ATXN1L: variants seen among roughly 807,000 people sequenced by gnomAD.
The protein encoded by ATXN1L is ataxin-1-like.
Under a neutral mutation model 43.4 loss-of-function variants are expected in ATXN1L, and 8 were observed. The observed-to-expected ratio is 0.18, with a 90% CI of 0.11 to 0.33. The LOEUF is 0.33. Among genes scored for constraint, ATXN1L ranks in the 10% least tolerant of loss-of-function variants. The probability of loss-of-function intolerance (pLI) is 1.00; values close to 1 mark genes in which losing one functional copy is unlikely to be tolerated. For missense variants in ATXN1L, 856 were observed against 885.4 expected (o/e 0.97, Z 0.42); for synonymous variants, 379 against 360.6 (o/e 1.05, Z -0.58).
At chr16:71,846,880 T>G (rs750926303) in intron 1 of ATXN1L, among the ~76,000 whole-genome samples, 2 of 152,206 alleles carry the variant, frequency 1.3e-5, no homozygotes, top group African/African-American at 4.8e-5. Flanking sequence ...GGAGGCAGGT[T>G]TTCTTTAAAG....
At position 71,853,073 on chromosome 16, in the gene ATXN1L, C is replaced by T. The variant is rs146429807; in HGVS notation, c.*1263C>T. The T allele has an allele frequency of 2.6e-3, 432 of 167,262 alleles. 2 individuals carry two copies. The highest frequency in any genetic ancestry group is 0.02 in the Middle Eastern group (6 of 296). 10.4% of individuals were successfully genotyped at this position (167,262 alleles called of 1,614,324 possible). ...GGCATTTTCACATGTCCCATATGCC[C>T]CTCCTGTCTTATTCCACTGCTTCTC... On this transcript the variant is annotated 3_prime_UTR_variant, in exon 3 of 3. Transcript: ENST00000427980.
intron 1 of ATXN1L, 78 bp from the exon 2 acceptor site, chr16:71,847,932 G>C: frequency 2.3e-6 from 1 of 439,766 alleles, no homozygotes; most frequent in Admixed American, 2.6e-5. Flanking sequence ...TAATGCTTTG[G>C]AATTACCTTT....
chr16:71,847,722 G>A (rs1454792229), intron 1 of ATXN1L, among the ~76,000 whole-genome samples: 1 of 152,084 alleles, frequency 6.6e-6, no homozygotes, highest in Non-Finnish European at 1.5e-5. Context: ...AACCTTTGGG[G>A]AACAGGCACA....
chr16:71,847,185 A>G (rs2033451341), intron 1 of ATXN1L, among the ~76,000 whole-genome samples: 1 of 152,120 alleles, frequency 6.6e-6, no homozygotes. Context: ...CTTGGACAGG[A>G]TAGTCAGTTT....
rs994115061 is a variant in ATXN1L, at chr16:71,850,560, C to T, written c.820C>T (p.Pro274Ser). 8 of 1,551,622 alleles carry T rather than the reference C, an allele frequency of 5.2e-6. No homozygotes were observed. The African/African-American group carries it at 5.5e-5, about 11-fold the overall frequency. ...AGCTGCTGCAAATGGAGGACAGAGACCACGAGAGCGAAATTTAGTAAGACG... is the reference window on the plus strand; with the variant it reads ...AGCTGCTGCAAATGGAGGACAGAGATCACGAGAGCGAAATTTAGTAAGACG... ...EAAAANGGQR[P>S]RERNLVRRES... Residue 274 changes from proline (P) to serine (S), a missense_variant, in exon 3 of 3, where the codon CCA becomes TCA. Pro to Ser is a moderately conservative substitution (Grantham distance 74). Transcript: ENST00000427980.
Position 71,850,029 on chromosome 16 carries a change from C to T in ATXN1L, c.289C>T (p.Leu97Phe). 1 of 1,551,676 alleles carries T rather than the reference C, an allele frequency of 6.4e-7. No homozygotes were observed. The highest frequency in any genetic ancestry group is 8.7e-7 in the Non-Finnish European group (1 of 1,146,982). The change falls in exon 3 of 3, where the codon CTC (leucine) becomes TTC (phenylalanine). Residue 97 changes from leucine to phenylalanine, a missense_variant. Coordinates refer to ENST00000427980, the MANE Select transcript of ATXN1L (RefSeq NM_001137675.4). ...GCCTGCCACCTTTTCACCAACTGGA[C>T]TCCCATCTGTGGTGAATATGAGTCC... ...VPPATFSPTG[L>F]PSVVNMSPLP...
Position 71,851,675 on chromosome 16 carries a change from G to T in ATXN1L, c.1935G>T (p.Gln645His). The T allele has an allele frequency of 6.6e-7, 1 of 1,507,276 alleles. No homozygotes were observed. Among genetic ancestry groups the T allele is most frequent in the Middle Eastern group, 1.7e-4 (1 of 5,736 alleles). 93.4% of individuals were successfully genotyped at this position (1,507,276 alleles called of 1,614,324 possible). A position where few individuals can be genotyped will look rare whatever the true frequency, so the allele number is the denominator to read the frequency against. The change falls in exon 3 of 3, where the codon CAG becomes CAT. Residue 645 changes from glutamine (Q) to histidine (H), a missense_variant. Physicochemically the swap from Gln to His is conservative, Grantham distance 24 (BLOSUM62 0). Transcript: ENST00000427980. The surrounding 1 kb of genome is among the most constrained non-coding windows in gnomAD (Gnocchi z 4.9). ...VEPSQPESGA[Q>H]ACWPAPSFQR... is the part of the protein sequence containing the mutation. ...CTTCCCAGCCTGAGTCCGGTGCTCAGGCCTGCTGGCCAGCCCCGAGCTTCC... is the reference window on the plus strand; with the variant it reads ...CTTCCCAGCCTGAGTCCGGTGCTCATGCCTGCTGGCCAGCCCCGAGCTTCC...
chr16:71,851,917 G>T lies in ATXN1L; in HGVS notation c.*107G>T. On this transcript the variant is annotated 3_prime_UTR_variant, in exon 3 of 3. Transcript: ENST00000427980. The surrounding 1 kb of genome is among the most constrained non-coding windows in gnomAD (Gnocchi z 4.9). ...CGAGCAGGGAATGGCTTTCTTGGCA[G>T]TGAGATTTGGGGGAAAGGGGAGGCA... The T allele has an allele frequency of 7.9e-7, 1 of 1,267,150 alleles. No individual in the cohort carries two copies. The highest frequency in any genetic ancestry group is 1.0e-6 in the Non-Finnish European group (1 of 969,820). The allele number at this position is 1,267,150 out of a possible 1,614,324, so 78.5% of individuals were successfully genotyped here. A position where few individuals can be genotyped will look rare whatever the true frequency, so the allele number is the denominator to read the frequency against.
In ATXN1L at chr16:71,856,702, C is replaced by G. The variant is rs887583810; in HGVS notation, c.*4892C>G. The stretch of plus-strand genomic sequence containing the variant: ...TCTTAGTCACACAGGATCCCTGTAG[C>G]CAAAACAGTATATGATCCAGCTGCA... On this transcript the variant is annotated 3_prime_UTR_variant, in exon 3 of 3. Transcript: ENST00000427980. 6.0e-6 allele frequency: 1 copy of G among 167,072 alleles called. No individual in the cohort carries two copies. The highest frequency in any genetic ancestry group is 1.5e-5 in the Non-Finnish European group (1 of 68,136). The allele number at this position is 167,072 out of a possible 1,614,324, so 10.3% of individuals were successfully genotyped here. A position where few individuals can be genotyped will look rare whatever the true frequency, so the allele number is the denominator to read the frequency against.
rs1006833469 is a variant in ATXN1L at position 71,853,658 on chromosome 16, A to T, written c.*1848A>T. On this transcript the variant is annotated 3_prime_UTR_variant, in exon 3 of 3. Coordinates refer to ENST00000427980, the MANE Select transcript of ATXN1L (RefSeq NM_001137675.4). ...ATAATCTTACCTACCTCCTGGGGGG[A>T]GGGGAAGTTCTGAGAATGGAGTCAT... is the stretch of plus-strand genomic sequence containing the variant. 1 of 166,416 alleles carries T rather than the reference A, an allele frequency of 6.0e-6. No homozygotes were observed. The highest frequency in any genetic ancestry group is 2.4e-5 in the African/African-American group (1 of 41,206). 10.3% of individuals were successfully genotyped at this position (166,416 alleles called of 1,614,324 possible).
In ATXN1L at chr16:71,853,202, T is replaced by G. The variant is rs1157375943; in HGVS notation, c.*1392T>G. 6.2e-6 allele frequency: 1 copy of G among 160,228 alleles called. No individual in the cohort carries two copies. Among genetic ancestry groups the G allele is most frequent in the African/African-American group, 2.4e-5 (1 of 41,018 alleles). 9.9% of individuals were successfully genotyped at this position (160,228 alleles called of 1,614,324 possible). A position where few individuals can be genotyped will look rare whatever the true frequency, so the allele number is the denominator to read the frequency against. On this transcript the variant is annotated 3_prime_UTR_variant, in exon 3 of 3. Transcript: ENST00000427980. ...TACCTGAATAGATGTCATTTTGTGT[T>G]GGTATATTCCTCTGCAAAAAGTATT...
chr16:71,846,569 C>A (rs1307047401), intron 1 of ATXN1L, among the ~76,000 whole-genome samples: 1 of 152,220 alleles, frequency 6.6e-6, no homozygotes, highest in Non-Finnish European at 1.5e-5. Flanking sequence ...GAATTTGGGT[C>A]TCCAGCTGGG....
rs1327578152 is a variant in ATXN1L at position 71,852,241 on chromosome 16, CT to C, written c.*437del. The C allele has an allele frequency of 5.9e-6, 1 of 168,590 alleles. No homozygotes were observed. The highest frequency in any genetic ancestry group is 6.5e-5 in the Admixed American group (1 of 15,318). 10.4% of individuals were successfully genotyped at this position (168,590 alleles called of 1,614,324 possible). A position where few individuals can be genotyped will look rare whatever the true frequency, so the allele number is the denominator to read the frequency against. On this transcript the variant is annotated 3_prime_UTR_variant, in exon 3 of 3. Transcript: ENST00000427980. ...AGTTAAACTGTCAGAAGTTTTTTTT[CT>C]TTTTTGTGGTAGAAGGGCAGGAGGC... is the stretch of plus-strand genomic sequence containing the variant.
At position 71,849,215 on chromosome 16, in the gene ATXN1L, T is replaced by TAAAAA. The variant is rs377525889; in HGVS notation, c.-117-409_-117-408insAAAAA. Among the ~76,000 whole-genome samples the TAAAAA allele has an allele frequency of 5.9e-3, 504 of 86,010 alleles. 68 individuals are homozygous for TAAAAA. The highest frequency in any genetic ancestry group is 0.012 in the African/African-American group (269 of 22,992). The allele number at this position is 86,010 out of a possible 152,430, so 56.4% of individuals were successfully genotyped here. A position where few individuals can be genotyped will look rare whatever the true frequency, so the allele number is the denominator to read the frequency against. On this transcript the variant is annotated intron_variant, in intron 2 of 2. Coordinates refer to ENST00000427980, the MANE Select transcript of ATXN1L (RefSeq NM_001137675.4). ...CAACAAGAGCAAAACTCCATGTGTT[T>TAAAAA]TAAAAAAAAAAAAAAAAAAAAAAAA... is the stretch of plus-strand genomic sequence containing the variant.
rs1445073982 is a variant in ATXN1L, at chr16:71,852,059, G to A, written c.*249G>A. 3 of 359,494 alleles carry A rather than the reference G, an allele frequency of 8.3e-6. No homozygotes were observed. In the East Asian group the frequency reaches 1.3e-4, roughly 16 times the overall value. 22.3% of individuals were successfully genotyped at this position (359,494 alleles called of 1,614,324 possible). A position where few individuals can be genotyped will look rare whatever the true frequency, so the allele number is the denominator to read the frequency against. ...AGGCCTGGGGCAAGGAAGGAAGGGGGTGCACACAGGAGAAGAAACATTCCA... is the reference window on the plus strand; with the variant it reads ...AGGCCTGGGGCAAGGAAGGAAGGGGATGCACACAGGAGAAGAAACATTCCA... On this transcript the variant is annotated 3_prime_UTR_variant, in exon 3 of 3. Coordinates refer to ENST00000427980, the MANE Select transcript of ATXN1L (RefSeq NM_001137675.4).
In ATXN1L at chr16:71,848,008, A is replaced by T. The variant is rs1341782103; in HGVS notation, c.-179-2A>T. 2.2e-6 allele frequency: 1 copy of T among 455,948 alleles called. No individual in the cohort carries two copies. The highest frequency in any genetic ancestry group is 1.5e-5 in the South Asian group (1 of 64,536). The allele number at this position is 455,948 out of a possible 1,614,324, so 28.2% of individuals were successfully genotyped here. ...TACTCCATTCCTGTTTCTATCTTCT[A>T]GGCTCCCGAGCCAGCCGGGAGGACA... On this transcript the variant is annotated splice_acceptor_variant, in intron 1 of 2. Coordinates refer to ENST00000427980, the MANE Select transcript of ATXN1L (RefSeq NM_001137675.4). LOFTEE classifies it low-confidence loss of function (5UTR_SPLICE).
rs1463885361 is a variant in ATXN1L at position 71,857,118 on chromosome 16, A to C, written c.*5308A>C. ...GTGCTTTTTTGTAACTGTTTTAAAT[A>C]AATCAATTTGTACTGTATATTTGTA... is the stretch of plus-strand genomic sequence containing the variant. On this transcript the variant is annotated 3_prime_UTR_variant, in exon 3 of 3. Coordinates refer to ENST00000427980, the MANE Select transcript of ATXN1L (RefSeq NM_001137675.4). 1 of 167,056 alleles carries C rather than the reference A, an allele frequency of 6.0e-6. No individual in the cohort carries two copies. The highest frequency in any genetic ancestry group is 2.4e-5 in the African/African-American group (1 of 41,446). 10.3% of individuals were successfully genotyped at this position (167,056 alleles called of 1,614,324 possible). A position where few individuals can be genotyped will look rare whatever the true frequency, so the allele number is the denominator to read the frequency against.
Position 71,851,752 on chromosome 16 carries a change from C to G in ATXN1L, c.2012C>G (p.Ser671Cys), listed in dbSNP as rs1333114454. ...GCACGGGCTGCGCTGCTCCGTCCCTCTTTCATTCCACAGGAGGTAAAGCTG... is the reference window on the plus strand; with the variant it reads ...GCACGGGCTGCGCTGCTCCGTCCCTGTTTCATTCCACAGGAGGTAAAGCTG... Reference protein sequence around the residue: ...EEARAALLRPSFIPQEVKLSI... With the variant: ...EEARAALLRPCFIPQEVKLSI... The change falls in exon 3 of 3, where the codon TCT (serine) becomes TGT (cysteine). Residue 671 changes from serine (S) to cysteine (C), a missense_variant. Physicochemically the swap from Ser to Cys is moderately radical, Grantham distance 112. Coordinates refer to ENST00000427980, the MANE Select transcript of ATXN1L (RefSeq NM_001137675.4). This position sits in a 1 kb window ranked among gnomAD's most constrained non-coding sequence, Gnocchi z 4.9. The G allele has an allele frequency of 4.8e-6, 7 of 1,449,844 alleles. No homozygotes were observed. The highest frequency in any genetic ancestry group is 6.4e-6 in the Non-Finnish European group (7 of 1,097,152). The allele number at this position is 1,449,844 out of a possible 1,614,324, so 89.8% of individuals were successfully genotyped here. A position where few individuals can be genotyped will look rare whatever the true frequency, so the allele number is the denominator to read the frequency against.
At position 71,849,954 on chromosome 16, in the gene ATXN1L, A is replaced by G. The variant is rs1218856086; in HGVS notation, c.214A>G (p.Thr72Ala). Residue 72 changes from threonine to alanine, a missense_variant, in exon 3 of 3, where the codon ACC becomes GCC. By Grantham distance (58) the Thr-to-Ala change is moderately conservative. Around this residue, in one of 7 missense-constraint regions of ATXN1L, gnomAD observed 93 missense variants for 113.4 expected, o/e 0.82. Transcript: ENST00000427980. Reference sequence around the variant, plus strand: ...GGGGGGTGATGGAGCTGAGGCCATCACCGGTCTGACAGTGGACCAGTATGG... The same window carrying G: ...GGGGGGTGATGGAGCTGAGGCCATCGCCGGTCTGACAGTGGACCAGTATGG... ...SLGGDGAEAI[T>A]GLTVDQYGML... The G allele has an allele frequency of 1.9e-6, 3 of 1,551,362 alleles. No individual in the cohort carries two copies. The highest frequency in any genetic ancestry group is 1.7e-6 in the Non-Finnish European group (2 of 1,146,896).
Sources: allele counts gnomAD v4.1 joint callset (sites outside exome capture counted in the v4.1 genomes callset), GRCh38; gene constraint gnomAD v4.1.1; regional missense constraint gnomAD v4.1.1; non-coding constraint Gnocchi (gnomAD v3.1); transcripts MANE v1.5; gene names NCBI Gene and HGNC (gene_info 2026-07-23, HGNC 2026-07-21).